The following NELL1 variants were observed in gnomAD, a reference collection of about 807,000 sequenced individuals.
NELL1 encodes the protein protein kinase C-binding protein NELL1.
Under a neutral mutation model 107.4 loss-of-function variants are expected in NELL1, and 76 were observed. The ratio of observed to expected loss-of-function variants is 0.71; its 90% CI spans 0.59 to 0.86. The LOEUF (loss-of-function observed/expected upper bound fraction) is 0.86, where lower values mean the gene tolerates loss of function less well. Among genes scored for constraint, NELL1 ranks in the 40% least tolerant of loss-of-function variants. The pLI, the probability that NELL1 is intolerant of heterozygous loss-of-function variation, is 0.00. For missense variants in NELL1, 1,024 were observed against 1,005.5 expected (o/e 1.02, Z -0.25); for synonymous variants, 353 against 341.2 (o/e 1.03, Z -0.38).
chr11:21,189,360 G>T (rs996412145), intron 13 of NELL1, among the ~76,000 whole-genome samples: 2 of 151,544 alleles, frequency 1.3e-5, no homozygotes, highest in Admixed American at 1.3e-4. Flanking sequence ...TTTATTCCTA[G>T]GTTTATTTAT....
chr11:21,250,265 A>G (rs1858604316), intron 14 of NELL1, among the ~76,000 whole-genome samples: 1 of 152,182 alleles, frequency 6.6e-6, no homozygotes, highest in African/African-American at 2.4e-5. Context: ...TATTTAACAT[A>G]AACCTGATTT....
At chr11:21,325,504 G>C (rs1850111130) in intron 14 of NELL1, among the ~76,000 whole-genome samples, 1 of 151,948 alleles carries the variant, frequency 6.6e-6, no homozygotes, top group Non-Finnish European at 1.5e-5. Flanking sequence ...CTATTTTGGG[G>C]TACAAAAATA....
chr11:21,133,272 G>A (rs1289526133), intron 13 of NELL1, among the ~76,000 whole-genome samples: 1 of 152,154 alleles, frequency 6.6e-6, no homozygotes, highest in Non-Finnish European at 1.5e-5. Context: ...CTCCAGAAGG[G>A]AGGAAGTACA....
intron 12 of NELL1, among the ~76,000 whole-genome samples, chr11:21,086,895 G>A (rs1854404981): frequency 2.1e-5 from 3 of 142,854 alleles, no homozygotes. Flanking sequence ...GCAGTGGAAC[G>A]ATCTCGGCTC....
At chr11:21,060,829 G>A (rs1235420225) in intron 12 of NELL1, among the ~76,000 whole-genome samples, 1 of 152,178 alleles carries the variant, frequency 6.6e-6, no homozygotes, top group African/African-American at 2.4e-5. Flanking sequence ...AGCCTTCTGA[G>A]TAGCTGGGAT....
intron 15 of NELL1, among the ~76,000 whole-genome samples, chr11:21,383,021 CT>C (rs1368256337): frequency 6.6e-6 from 1 of 151,904 alleles, no homozygotes; most frequent in African/African-American, 2.4e-5. Flanking sequence ...AGCCATAAGT[CT>C]TTGTATCCAA....
intron 15 of NELL1, among the ~76,000 whole-genome samples, chr11:21,426,326 A>G (rs1010159258): frequency 2.2e-4 from 34 of 152,178 alleles, no homozygotes; most frequent in Non-Finnish European, 8.8e-5. Flanking sequence ...TATATCCCAG[A>G]CCCTGATACA....
intron 12 of NELL1, among the ~76,000 whole-genome samples, chr11:20,964,252 G>C (rs1399133600): frequency 6.6e-6 from 1 of 152,076 alleles, no homozygotes; most frequent in Non-Finnish European, 1.5e-5. Context: ...GGAAAGTATA[G>C]CAATAGGGGC....
chr11:20,828,465 A>T (rs1157057028), intron 3 of NELL1, among the ~76,000 whole-genome samples: 1 of 152,202 alleles, frequency 6.6e-6, no homozygotes, highest in Non-Finnish European at 1.5e-5. Context: ...TCATTACCTT[A>T]ATGATTGGTA....
At chr11:21,423,059 C>CTAAG (rs1852729152) in intron 15 of NELL1, among the ~76,000 whole-genome samples, 1 of 152,056 alleles carries the variant, frequency 6.6e-6, no homozygotes, top group Non-Finnish European at 1.5e-5. Flanking sequence ...AAAATAGACT[C>CTAAG]TAAGTTTAAA....
At chr11:20,745,424 C>T (rs557051316) in intron 2 of NELL1, among the ~76,000 whole-genome samples, 9 of 152,290 alleles carry the variant, frequency 5.9e-5, no homozygotes, top group Admixed American at 5.9e-4. Flanking sequence ...AAGCCATGAT[C>T]AACTGAAGAT....
chr11:21,528,221 T>C (rs1173435854), intron 15 of NELL1, among the ~76,000 whole-genome samples: 1 of 152,186 alleles, frequency 6.6e-6, no homozygotes, highest in Non-Finnish European at 1.5e-5. Context: ...TTGATCTCAT[T>C]CAATCTTTAA....
At chr11:21,082,649 A>G (rs1455848302) in intron 12 of NELL1, among the ~76,000 whole-genome samples, 1 of 152,144 alleles carries the variant, frequency 6.6e-6, no homozygotes, top group African/African-American at 2.4e-5. Flanking sequence ...AGCCTCTAGG[A>G]TCTGGTTCCT....
intron 12 of NELL1, among the ~76,000 whole-genome samples, chr11:21,038,916 T>C (rs961761342): frequency 3.3e-5 from 5 of 152,228 alleles, no homozygotes. Flanking sequence ...CTAGCAAGAC[T>C]TTCTCTTTGA....
chr11:20,952,616 G>T lies in NELL1; in HGVS notation c.1171+5181G>T, dbSNP rs920250413. Among the ~76,000 whole-genome samples the T allele has an allele frequency of 5.7e-4, 87 of 152,180 alleles. 3 individuals carry two copies. Among genetic ancestry groups the T allele is most frequent in the Non-Finnish European group, 1.5e-5 (1 of 68,040 alleles). On this transcript the variant is annotated intron_variant, in intron 11 of 19. Coordinates refer to ENST00000357134, the MANE Select transcript of NELL1 (RefSeq NM_006157.5). ...CCAGTTCCTCTGCATATTGATAGAT[G>T]AGATCTGATCAAAATGCCATCAACT...
intron 3 of NELL1, among the ~76,000 whole-genome samples, chr11:20,811,163 G>C (rs1857494040): frequency 6.6e-6 from 1 of 152,078 alleles, no homozygotes; most frequent in Admixed American, 6.5e-5. Flanking sequence ...GTTAGTTATT[G>C]TATACGTTAA....
intron 1 of NELL1, among the ~76,000 whole-genome samples, chr11:20,670,113 C>A (rs1853861031): frequency 6.6e-6 from 1 of 152,160 alleles, no homozygotes; most frequent in African/African-American, 2.4e-5. Flanking sequence ...GGCCCGCGTG[C>A]CCCGAGTTCC....
At chr11:20,761,820 C>T (rs2133958288) in intron 2 of NELL1, among the ~76,000 whole-genome samples, 1 of 152,326 alleles carries the variant, frequency 6.6e-6, no homozygotes, top group East Asian at 1.9e-4. Flanking sequence ...AACTTGAAGT[C>T]TGATATCCCT....
chr11:20,728,933 C>G (rs922005705), intron 2 of NELL1, among the ~76,000 whole-genome samples: 2 of 152,090 alleles, frequency 1.3e-5, no homozygotes, highest in African/African-American at 4.8e-5. Context: ...TCTTGCAATC[C>G]AAAAGAATGG....
Sources: gnomAD v4.1 joint callset for allele counts (sites outside exome capture counted in the v4.1 genomes callset) on GRCh38, gnomAD v4.1.1 for gene constraint, MANE v1.5 for transcripts, NCBI Gene and HGNC (gene_info 2026-07-23, HGNC 2026-07-21) for gene names.